The following CDH8 variants were observed in gnomAD, a reference collection of about 807,000 sequenced individuals.
The protein encoded by CDH8 is cadherin 8.
CDH8 carries 17 observed loss-of-function variants against 68.1 expected under a neutral mutation model. The ratio of observed to expected loss-of-function variants is 0.25; its 90% CI spans 0.17 to 0.37. The LOEUF (loss-of-function observed/expected upper bound fraction) is 0.37, where lower values mean the gene tolerates loss of function less well. CDH8 is among the 10% of genes least tolerant of loss of function. The pLI is 1.00. For missense variants in CDH8, 763 were observed against 999.3 expected, an observed-to-expected ratio of 0.76 and a Z score of 3.19; for synonymous variants, 372 against 365.1, an observed-to-expected ratio of 1.02 and a Z score of -0.21.
intron 4 of CDH8, among the ~76,000 whole-genome samples, chr16:61,854,494 A>G (rs945952783): frequency 1.3e-5 from 2 of 152,042 alleles, no homozygotes; most frequent in African/African-American, 4.8e-5. Context: ...TCTGCATTTG[A>G]TAAGAGGAAC....
chr16:61,993,131 G>T (rs1965753659), intron 2 of CDH8, among the ~76,000 whole-genome samples: 1 of 152,122 alleles, frequency 6.6e-6, no homozygotes, highest in Non-Finnish European at 1.5e-5. Flanking sequence ...TGGGCTCAAA[G>T]AAAATTTTTC....
chr16:61,907,303 A>T (rs72798786), intron 2 of CDH8, among the ~76,000 whole-genome samples: 1 of 152,282 alleles, frequency 6.6e-6, no homozygotes, highest in Non-Finnish European at 1.5e-5. Flanking sequence ...TTGCTTCCAC[A>T]TTTGAAAATC....
intron 1 of CDH8, among the ~76,000 whole-genome samples, chr16:62,026,529 A>G (rs1461999085): frequency 6.6e-6 from 1 of 152,232 alleles, no homozygotes; most frequent in Non-Finnish European, 1.5e-5. Context: ...ATGTCATGCC[A>G]TGAACTACTT....
At chr16:61,727,865 C>T (rs1959421110) in intron 8 of CDH8, among the ~76,000 whole-genome samples, 1 of 151,072 alleles carries the variant, frequency 6.6e-6, no homozygotes, top group African/African-American at 2.4e-5. Flanking sequence ...CTTTCCAGGT[C>T]AATTCCAATA....
Position 61,933,517 on chromosome 16 carries a change from A to G in CDH8, c.253-32044T>C, listed in dbSNP as rs533989263. Among the ~76,000 whole-genome samples, 2 of 152,346 alleles carry G rather than the reference A, an allele frequency of 1.3e-5. 1 individual carries two copies. The highest frequency in any genetic ancestry group is 4.8e-5 in the African/African-American group (2 of 41,582). ...TGAAATAATGTGATTTTGAACTTAG[A>G]AAAGATTTTTTAAATTACATATATC... is the stretch of plus-strand genomic sequence containing the variant. On this transcript the variant is annotated intron_variant, in intron 2 of 11. Transcript: ENST00000577390.
intron 8 of CDH8, among the ~76,000 whole-genome samples, chr16:61,744,342 A>C (rs1432613534): frequency 1.3e-5 from 2 of 152,104 alleles, no homozygotes; most frequent in Non-Finnish European, 2.9e-5. Context: ...ATTTATCATT[A>C]TAACATTTTT....
intron 3 of CDH8, among the ~76,000 whole-genome samples, chr16:61,895,426 T>C (rs1471457001): frequency 1.3e-5 from 2 of 152,232 alleles, no homozygotes; most frequent in South Asian, 2.1e-4. Flanking sequence ...AAAACTAATA[T>C]CGGTACTAAC....
At chr16:61,736,107 G>GAAAT in intron 8 of CDH8, among the ~76,000 whole-genome samples, 1 of 125,676 alleles carries the variant, frequency 8.0e-6, no homozygotes, top group African/African-American at 2.8e-5. Flanking sequence ...AGGAAAGAAA[G>GAAAT]AAAGAAAGGA....
At chr16:61,921,655 A>C (rs188771486) in intron 2 of CDH8, among the ~76,000 whole-genome samples, 1 of 152,208 alleles carries the variant, frequency 6.6e-6, no homozygotes. Context: ...TCCCAAATAC[A>C]TGATGTTAGA....
At chr16:61,865,615 G>A (rs565287415) in intron 3 of CDH8, among the ~76,000 whole-genome samples, 68 of 152,170 alleles carry the variant, frequency 4.5e-4, no homozygotes, top group Non-Finnish European at 8.4e-4. Flanking sequence ...AGGGCAATTG[G>A]AGGCCTGGTT....
At chr16:61,783,951 AG>A (rs537452916) in intron 8 of CDH8, among the ~76,000 whole-genome samples, 49 of 152,354 alleles carry the variant, frequency 3.2e-4, no homozygotes, top group African/African-American at 1.2e-3. Flanking sequence ...AAACATGGAA[AG>A]GAACAACCGG....
At chr16:61,817,943 C>T in intron 6 of CDH8, 5 of 458,506 alleles carry the variant, frequency 1.1e-5, no homozygotes, top group Admixed American at 3.9e-5. Context: ...AATCTAATCT[C>T]CTATTGTTTT....
At chr16:61,725,805 A>G (rs930760832) in intron 9 of CDH8, 3 of 150,954 alleles carry the variant, frequency 2.0e-5, no homozygotes, top group African/African-American at 7.3e-5. Flanking sequence ...CTATATCTCT[A>G]CTAAAGCTGA....
At chr16:61,657,056 GTT>G (rs72054991) in intron 10 of CDH8, among the ~76,000 whole-genome samples, 39,447 of 148,306 alleles carry the variant, frequency 0.27, 5,389 homozygotes, top group African/African-American at 0.35. Context: ...ATAATTATTT[GTT>G]TTTTTTTTTT....
At chr16:61,718,049 C>A (rs1488004569) in intron 9 of CDH8, among the ~76,000 whole-genome samples, 4 of 151,264 alleles carry the variant, frequency 2.6e-5, no homozygotes, top group African/African-American at 4.8e-5. Flanking sequence ...TGTCTGATCC[C>A]AGATAAGCCT....
chr16:61,861,520 G>C (rs1279725534), intron 3 of CDH8, among the ~76,000 whole-genome samples: 1 of 152,110 alleles, frequency 6.6e-6, no homozygotes, highest in Non-Finnish European at 1.5e-5. Context: ...AAGGGGTTGG[G>C]TTTCTATCTT....
Position 61,675,478 on chromosome 16 carries a change from T to C in CDH8, c.1655-19757A>G, listed in dbSNP as rs921288979. 5.9e-3 allele frequency among the ~76,000 whole-genome samples: 854 copies of C among 144,704 alleles called. 9 individuals are homozygous for C. The highest frequency in any genetic ancestry group is 0.021 in the African/African-American group (822 of 39,488). The allele number at this position is 144,704 out of a possible 152,430, so 94.9% of individuals were successfully genotyped here. On this transcript the variant is annotated intron_variant, in intron 10 of 11. Coordinates refer to ENST00000577390, the MANE Select transcript of CDH8 (RefSeq NM_001796.5). ...GTGGGGGGAGGGGGGAGGGATAGCA[T>C]TGGGAGATATACCTAAGGCTAGATG...
rs1278896470 is a variant in CDH8 at position 61,648,728 on chromosome 16, T to C, written c.*4880A>G. 4 of 152,000 alleles carry C rather than the reference T, an allele frequency of 2.6e-5. No individual in the cohort carries two copies. Among genetic ancestry groups the C allele is most frequent in the African/African-American group, 9.7e-5 (4 of 41,450 alleles). 9.4% of individuals were successfully genotyped at this position (152,000 alleles called of 1,614,324 possible). On this transcript the variant is annotated 3_prime_UTR_variant, in exon 12 of 12. Coordinates refer to ENST00000577390, the MANE Select transcript of CDH8 (RefSeq NM_001796.5). ...ATCTTTCTGTATCAACCATGTAGCT[T>C]AATTTCTGTACTGATAGATACTCAA...
At chr16:61,819,583 T>C (rs1202023690) in intron 6 of CDH8, among the ~76,000 whole-genome samples, 5 of 152,096 alleles carry the variant, frequency 3.3e-5, no homozygotes, top group African/African-American at 1.2e-4. Flanking sequence ...AACAGAGAGT[T>C]AAAATAAATG....
Sources: allele counts gnomAD v4.1 joint callset (sites outside exome capture counted in the v4.1 genomes callset), GRCh38; gene constraint gnomAD v4.1.1; transcripts MANE v1.5; gene names NCBI Gene and HGNC (gene_info 2026-07-23, HGNC 2026-07-21).